Variants in ANXA10 observed in about 807,000 individuals in gnomAD.
ANXA10 encodes annexin A10, also known as annexin 14.
Under a neutral mutation model 53.5 loss-of-function variants are expected in ANXA10, and 49 were observed. The ratio of observed to expected loss-of-function variants is 0.92; its 90% CI spans 0.73 to 1.16. The LOEUF is 1.16. ANXA10 is among the 50% of genes most tolerant of loss of function. The pLI, the probability that ANXA10 is intolerant of heterozygous loss-of-function variation, is 0.00. For missense variants in ANXA10, 393 were observed against 394.4 expected (o/e 1.00, Z 0.03); for synonymous variants, 131 against 128.9 (o/e 1.02, Z -0.11).
chr4:168,167,316 T>C (rs1398029044), intron 6 of ANXA10, among the ~76,000 whole-genome samples: 2 of 152,346 alleles, frequency 1.3e-5, no homozygotes, highest in East Asian at 3.9e-4. Flanking sequence ...TAATAGTTGA[T>C]ATTCCATAAA....
At chr4:168,170,013 T>G (rs1457605579) in intron 6 of ANXA10, among the ~76,000 whole-genome samples, 2 of 152,222 alleles carry the variant, frequency 1.3e-5, no homozygotes, top group Non-Finnish European at 2.9e-5. Flanking sequence ...TGGTGACTTT[T>G]GGATGTAATA....
chr4:168,147,396 G>A (rs1033176080), intron 3 of ANXA10, among the ~76,000 whole-genome samples: 3 of 152,138 alleles, frequency 2.0e-5, no homozygotes, highest in Non-Finnish European at 4.4e-5. Flanking sequence ...ATCAAGAGGC[G>A]CCTTTGAGAA....
At chr4:168,124,183 A>C (rs909207079) in intron 1 of ANXA10, among the ~76,000 whole-genome samples, 2 of 152,234 alleles carry the variant, frequency 1.3e-5, no homozygotes, top group African/African-American at 4.8e-5. Flanking sequence ...GGACAGTCCT[A>C]CTAAAGGCAT....
At chr4:168,159,962 C>T (rs937341780) in intron 3 of ANXA10, among the ~76,000 whole-genome samples, 1 of 152,128 alleles carries the variant, frequency 6.6e-6, no homozygotes, top group Admixed American at 6.5e-5. Flanking sequence ...ACTGAATATG[C>T]TTTACACAGT....
At chr4:168,102,342 T>C (rs1302486443) in intron 1 of ANXA10, among the ~76,000 whole-genome samples, 1 of 152,098 alleles carries the variant, frequency 6.6e-6, no homozygotes, top group Admixed American at 6.6e-5. Context: ...CAATGCCACA[T>C]TTCCTTATAG....
intron 11 of ANXA10, among the ~76,000 whole-genome samples, chr4:168,187,050 A>G (rs864785): frequency 0.19 from 28,598 of 151,976 alleles, 2,838 homozygotes; most frequent in Non-Finnish European, 0.21. Flanking sequence ...AACAATAATA[A>G]TAATAACATT....
At chr4:168,098,056 T>G (rs1046073748) in intron 1 of ANXA10, among the ~76,000 whole-genome samples, 1 of 151,940 alleles carries the variant, frequency 6.6e-6, no homozygotes, top group Non-Finnish European at 1.5e-5. Context: ...CTTATACCAT[T>G]AACATTAATA....
At chr4:168,102,118 C>G (rs1730649790) in intron 1 of ANXA10, among the ~76,000 whole-genome samples, 1 of 152,024 alleles carries the variant, frequency 6.6e-6, no homozygotes, top group Non-Finnish European at 1.5e-5. Context: ...ACAGTTCAGT[C>G]AAAACACTAT....
intron 3 of ANXA10, among the ~76,000 whole-genome samples, chr4:168,148,021 C>G (rs1316043303): frequency 1.3e-5 from 2 of 152,188 alleles, no homozygotes; most frequent in Admixed American, 6.5e-5. Flanking sequence ...TTGGCCTACA[C>G]AAAGTCCTCC....
chr4:168,186,666 A>G (rs1732376806), intron 11 of ANXA10, among the ~76,000 whole-genome samples: 1 of 152,188 alleles, frequency 6.6e-6, no homozygotes, highest in Admixed American at 6.5e-5. Flanking sequence ...TAAGTCACCC[A>G]GTTTATGGTA....
intron 6 of ANXA10, among the ~76,000 whole-genome samples, chr4:168,168,281 A>G (rs1219203781): frequency 1.3e-5 from 2 of 152,194 alleles, no homozygotes; most frequent in Admixed American, 6.5e-5. Context: ...GCCTTGTTGC[A>G]ATGCATATCC....
intron 1 of ANXA10, chr4:168,113,474 G>A (rs1191992792): frequency 1.3e-5 from 2 of 152,436 alleles, no homozygotes; most frequent in Non-Finnish European, 2.9e-5. Flanking sequence ...TCTGGTGAGA[G>A]TCCAGTCTGC....
chr4:168,166,225 TAG>T (rs1427901272), intron 6 of ANXA10, among the ~76,000 whole-genome samples: 6 of 152,232 alleles, frequency 3.9e-5, no homozygotes, highest in East Asian at 3.8e-4. Context: ...GATTGAATGC[TAG>T]AGACTCTAAA....
At chr4:168,131,341 G>T (rs1304168060) in intron 2 of ANXA10, among the ~76,000 whole-genome samples, 1 of 151,934 alleles carries the variant, frequency 6.6e-6, no homozygotes, top group Non-Finnish European at 1.5e-5. Context: ...AGCATATTTT[G>T]TATGTTTTTT....
At chr4:168,155,747 T>C (rs372685783) in intron 3 of ANXA10, among the ~76,000 whole-genome samples, 4 of 35,138 alleles carry the variant, frequency 1.1e-4, no homozygotes, top group East Asian at 1.2e-3. Flanking sequence ...TATCATATAT[T>C]ATATATTATA....
Position 168,177,998 on chromosome 4 carries a change from G to A in ANXA10, c.628+15G>A, listed in dbSNP as rs1193201047. On this transcript the variant is annotated intron_variant, in intron 8 of 11. Transcript: ENST00000359299. ...GCTGCGGCTGGGTAATTATTAACTG[G>A]GTTTCGTTCCAGCTACTTGACCAAT... 1.2e-6 allele frequency: 2 copies of A among 1,610,426 alleles called. No individual in the cohort carries two copies. The highest frequency in any genetic ancestry group is 1.7e-6 in the Non-Finnish European group (2 of 1,178,034).
intron 1 of ANXA10, among the ~76,000 whole-genome samples, chr4:168,108,871 C>G (rs542760380): frequency 1.3e-3 from 201 of 152,250 alleles, no homozygotes; most frequent in African/African-American, 4.7e-3. Flanking sequence ...ACCTCATTCC[C>G]CATGGCAGGA....
intron 1 of ANXA10, among the ~76,000 whole-genome samples, chr4:168,101,736 G>A (rs909299963): frequency 2.0e-5 from 3 of 151,982 alleles, no homozygotes; most frequent in African/African-American, 7.3e-5. Flanking sequence ...AAATATGTGT[G>A]TATACTAACC....
chr4:168,162,647 G>A lies in ANXA10; in HGVS notation c.309+6G>A. ...AGCTCTGGCATGCCATGAAGGTAGT[G>A]ATCTGATCCAAAAATATGCCTGTAA... On this transcript the variant is annotated splice_donor_region_variant and intron_variant, in intron 4 of 11. Coordinates refer to ENST00000359299, the MANE Select transcript of ANXA10 (RefSeq NM_007193.5). 1 of 1,612,294 alleles carries A rather than the reference G, an allele frequency of 6.2e-7. No homozygotes were observed. The highest frequency in any genetic ancestry group is 8.5e-7 in the Non-Finnish European group (1 of 1,178,490).
Sources: allele counts gnomAD v4.1 joint callset (sites outside exome capture counted in the v4.1 genomes callset), GRCh38; gene constraint gnomAD v4.1.1; transcripts MANE v1.5; gene names NCBI Gene and HGNC (gene_info 2026-07-23, HGNC 2026-07-21).